Variants in LCP1 observed in about 807,000 individuals in gnomAD.
LCP1 encodes the protein lymphocyte cytosolic protein 1, also known as plastin-2.
LCP1 carries 23 observed loss-of-function variants against 72.0 expected under a neutral mutation model. That is an observed-to-expected ratio of 0.32 (90% CI 0.23 to 0.45). LCP1 has a LOEUF of 0.45. Ranked by LOEUF, LCP1 falls within the 20% of genes least tolerant of loss-of-function variation. The pLI, the probability that LCP1 is intolerant of heterozygous loss-of-function variation, is 1.00. For missense variants in LCP1, 571 were observed against 748.3 expected (o/e 0.76, Z 2.76); for synonymous variants, 245 against 275.4 (o/e 0.89, Z 1.09).
At chr13:46,158,370 T>C (rs1301461347) in intron 4 of LCP1, 152 bp downstream of exon 4, 2 of 705,842 alleles carry the variant, frequency 2.8e-6, no homozygotes, top group East Asian at 2.7e-5. Flanking sequence ...CTATATTATG[T>C]ACCCAGAACT....
Position 46,164,936 on chromosome 13 carries a change from AT to A in LCP1, c.-24-5251del, listed in dbSNP as rs1386697030. On this transcript the variant is annotated intron_variant, in intron 1 of 15. Coordinates refer to ENST00000323076, the MANE Select transcript of LCP1 (RefSeq NM_002298.5). ...AGAGCAGGAAAAGGATGGAGTTACC[AT>A]TAAAAGGGCCCCTAAGGTCCATAAC... 2.6e-5 allele frequency among the ~76,000 whole-genome samples: 4 copies of A among 152,352 alleles called. No homozygotes were observed. The East Asian group carries it at 7.7e-4, about 29-fold the overall frequency.
rs905347195 is a variant in LCP1 at position 46,143,245 on chromosome 13, A to G, written c.1368+45T>C. 13 of 1,326,000 alleles carry G rather than the reference A, an allele frequency of 9.8e-6. No homozygotes were observed. The South Asian group carries it at 1.4e-4, about 14-fold the overall frequency. The allele number at this position is 1,326,000 out of a possible 1,614,324, so 82.1% of individuals were successfully genotyped here. A position where few individuals can be genotyped will look rare whatever the true frequency, so the allele number is the denominator to read the frequency against. ...AGTATTTAGAGTGCTCTTGCAGGCT[A>G]TGACTTTGCCTGTCTCCTGGAACAA... On this transcript the variant is annotated intron_variant, in intron 12 of 15. Transcript: ENST00000323076.
At chr13:46,153,069 TCATTTTAA>T (rs1195316199) in intron 6 of LCP1, 124 bp from the exon 7 acceptor site, 4 of 933,028 alleles carry the variant, frequency 4.3e-6, no homozygotes, top group Non-Finnish European at 6.3e-6. Context: ...TGGTCTTCAC[TCATTTTAA>T]CATTGAGAAA....
chr13:46,133,386 G>A (rs1046608004), intron 14 of LCP1, among the ~76,000 whole-genome samples: 2 of 152,334 alleles, frequency 1.3e-5, no homozygotes, highest in Middle Eastern at 3.4e-3. Context: ...AGCACTTTGG[G>A]AGGCTGAAGC....
rs532910058 is a variant in LCP1 at position 46,126,517 on chromosome 13, G to A, written c.*1074C>T. On this transcript the variant is annotated 3_prime_UTR_variant, in exon 16 of 16. Transcript: ENST00000323076. ...TGATTGGCACATATTGTCCCCCCTGGAGTTTAGGGGTGGCAGAAAGCTTTT... is the reference window on the plus strand; with the variant it reads ...TGATTGGCACATATTGTCCCCCCTGAAGTTTAGGGGTGGCAGAAAGCTTTT... 4.3e-6 allele frequency: 1 copy of A among 232,486 alleles called. No individual in the cohort carries two copies. The highest frequency in any genetic ancestry group is 8.5e-6 in the Non-Finnish European group (1 of 117,296). The allele number at this position is 232,486 out of a possible 1,614,324, so 14.4% of individuals were successfully genotyped here. A position where few individuals can be genotyped will look rare whatever the true frequency, so the allele number is the denominator to read the frequency against.
At chr13:46,149,697 C>A (rs1343303808) in intron 8 of LCP1, among the ~76,000 whole-genome samples, 1 of 152,210 alleles carries the variant, frequency 6.6e-6, no homozygotes, top group Non-Finnish European at 1.5e-5. Flanking sequence ...CTCATCTGGC[C>A]AGCTCCTATC....
At position 46,167,345 on chromosome 13, in the gene LCP1, T is replaced by G. The variant is rs2045882162; in HGVS notation, c.-24-7659A>C. On this transcript the variant is annotated intron_variant, in intron 1 of 15. Transcript: ENST00000323076. ...TAGCACATCTTACAGAGCCTGGCTCTGTCGCCAGCTAAGGAGTTCTCATTC... is the reference window on the plus strand; with the variant it reads ...TAGCACATCTTACAGAGCCTGGCTCGGTCGCCAGCTAAGGAGTTCTCATTC... Among the ~76,000 whole-genome samples the G allele has an allele frequency of 2.0e-5, 3 of 152,218 alleles. No homozygotes were observed. In the South Asian group the frequency reaches 6.2e-4, roughly 31 times the overall value.
chr13:46,148,633 C>T (rs1185071660), intron 8 of LCP1, 186 bp from the exon 9 acceptor site: 19 of 538,734 alleles, frequency 3.5e-5, no homozygotes, highest in East Asian at 3.5e-5. Context: ...ATCACATTTG[C>T]TTTTCTTTTT....
chr13:46,170,569 C>G (rs1370436300), intron 1 of LCP1, among the ~76,000 whole-genome samples: 1 of 152,136 alleles, frequency 6.6e-6, no homozygotes, highest in Non-Finnish European at 1.5e-5. Context: ...GCAAACCCAC[C>G]TGGGATGCAC....
chr13:46,136,398 G>T (rs895732663), intron 13 of LCP1, among the ~76,000 whole-genome samples: 3 of 152,200 alleles, frequency 2.0e-5, no homozygotes, highest in African/African-American at 7.2e-5. Flanking sequence ...CATGTGCCCT[G>T]TTCATCAGAG....
chr13:46,127,712 G>C lies in LCP1; in HGVS notation c.1763C>G (p.Ser588Cys). The part of the protein sequence containing the change: ...EKLNNAKYAI[S>C]MARKIGARVY... ...TCTTGCTCCAATTTTTCGGGCCATA[G>C]AGATGGCATATCTAAAAGGGAGAAA... Residue 588 changes from serine to cysteine, a missense_variant, in exon 16 of 16, where the codon TCT becomes TGT. Ser to Cys is a moderately radical substitution (Grantham distance 112, BLOSUM62 -1). Coordinates refer to ENST00000323076, the MANE Select transcript of LCP1 (RefSeq NM_002298.5). The C allele has an allele frequency of 6.2e-7, 1 of 1,614,170 alleles. No homozygotes were observed. The highest frequency in any genetic ancestry group is 8.5e-7 in the Non-Finnish European group (1 of 1,180,026).
rs4391952 is a variant in LCP1 at position 46,127,039 on chromosome 13, G to T, written c.*552C>A. On this transcript the variant is annotated 3_prime_UTR_variant, in exon 16 of 16. Coordinates refer to ENST00000323076, the MANE Select transcript of LCP1 (RefSeq NM_002298.5). ...TCCAAGTGGCCCAGAGACAAGGACGGCCAGAAGAGATGGGCCCCCCCGGAA... is the reference window on the plus strand; with the variant it reads ...TCCAAGTGGCCCAGAGACAAGGACGTCCAGAAGAGATGGGCCCCCCCGGAA... 1.8e-4 allele frequency: 42 copies of T among 231,114 alleles called. No individual in the cohort carries two copies. Among genetic ancestry groups the T allele is most frequent in the Non-Finnish European group, 3.3e-4 (39 of 116,784 alleles). 14.3% of individuals were successfully genotyped at this position (231,114 alleles called of 1,614,324 possible).
intron 1 of LCP1, among the ~76,000 whole-genome samples, chr13:46,165,754 C>G (rs2045872876): frequency 6.6e-6 from 1 of 152,054 alleles, no homozygotes. Context: ...CTGGGAAATC[C>G]CCTTCTGAAT....
chr13:46,162,148 C>A (rs1233081983), intron 1 of LCP1, among the ~76,000 whole-genome samples: 1 of 152,088 alleles, frequency 6.6e-6, no homozygotes, highest in Non-Finnish European at 1.5e-5. Context: ...CAAGTCTTTT[C>A]TCCTCTCCCA....
rs539581818 is a variant in LCP1 at position 46,126,110 on chromosome 13, A to G, written c.*1481T>C. 6 of 217,258 alleles carry G rather than the reference A, an allele frequency of 2.8e-5. No individual in the cohort carries two copies. The East Asian group carries it at 3.4e-4, about 12-fold the overall frequency. The allele number at this position is 217,258 out of a possible 1,614,324, so 13.5% of individuals were successfully genotyped here. A position where few individuals can be genotyped will look rare whatever the true frequency, so the allele number is the denominator to read the frequency against. On this transcript the variant is annotated 3_prime_UTR_variant, in exon 16 of 16. Transcript: ENST00000323076. ...GCAAAAATACTGGTTATGGGCTGGG[A>G]GGAGCCACATGTTGGCTTTCTGAGT...
At chr13:46,165,878 A>G (rs1472991990) in intron 1 of LCP1, among the ~76,000 whole-genome samples, 4 of 152,124 alleles carry the variant, frequency 2.6e-5, no homozygotes, top group Admixed American at 2.6e-4. Flanking sequence ...TATTAAATCA[A>G]TAGTTGTAGA....
chr13:46,176,106 T>C (rs1253049962), intron 1 of LCP1, among the ~76,000 whole-genome samples: 2 of 152,224 alleles, frequency 1.3e-5, no homozygotes, highest in Non-Finnish European at 2.9e-5. Context: ...TACAAAATTA[T>C]AGCTAGACAG....
chr13:46,153,048 G>T, intron 6 of LCP1, 103 bp from the exon 7 acceptor site: 1 of 1,123,590 alleles, frequency 8.9e-7, no homozygotes, highest in Non-Finnish European at 1.2e-6. Context: ...AAGGTCACAG[G>T]TTTAGAGTCA....
chr13:46,173,795 G>T (rs1286522737), intron 1 of LCP1, among the ~76,000 whole-genome samples: 1 of 152,224 alleles, frequency 6.6e-6, no homozygotes, highest in African/African-American at 2.4e-5. Flanking sequence ...TGGTGAAGGG[G>T]CTCCGGGCTT....
Sources: gnomAD v4.1 joint callset for allele counts (sites outside exome capture counted in the v4.1 genomes callset) on GRCh38, gnomAD v4.1.1 for gene constraint, MANE v1.5 for transcripts, NCBI Gene and HGNC (gene_info 2026-07-23, HGNC 2026-07-21) for gene names.